EYA1: variants seen among roughly 807,000 people sequenced by gnomAD.
EYA1 encodes the protein protein phosphatase EYA1.
A neutral mutation model predicts 82.0 loss-of-function variants in EYA1; 16 were observed. That is an observed-to-expected ratio of 0.20 (90% confidence interval 0.13 to 0.30). The LOEUF is 0.30. Ranked by LOEUF, EYA1 falls within the 10% of genes least tolerant of loss-of-function variation. The pLI is 1.00. For synonymous variants in EYA1, 261 were observed against 264.4 expected (o/e 0.99, Z 0.12); for missense variants, 633 against 730.7 (o/e 0.87, Z 1.54).
intron 2 of EYA1, among the ~76,000 whole-genome samples, chr8:71,521,396 G>T (rs1813388876): frequency 1.3e-5 from 2 of 152,034 alleles, no homozygotes; most frequent in Middle Eastern, 3.4e-3. Context: ...GAAAAATGTG[G>T]AACTACATAT....
chr8:71,467,755 C>T (rs1248918512), intron 2 of EYA1, among the ~76,000 whole-genome samples: 1 of 152,124 alleles, frequency 6.6e-6, no homozygotes, highest in African/African-American at 2.4e-5. Context: ...GCATGAGATA[C>T]ATGCACAATT....
intron 9 of EYA1, among the ~76,000 whole-genome samples, chr8:71,276,953 C>T (rs1014962216): frequency 1.3e-5 from 2 of 151,976 alleles, no homozygotes; most frequent in Admixed American, 6.5e-5. Flanking sequence ...CTGCACATGT[C>T]GTTAGCACTC....
chr8:71,354,854 C>T lies in EYA1; in HGVS notation c.52G>A (p.Glu18Lys). The T allele has an allele frequency of 6.2e-7, 1 of 1,613,680 alleles. No individual in the cohort carries two copies. The highest frequency in any genetic ancestry group is 8.5e-7 in the Non-Finnish European group (1 of 1,179,684). Residue 18 changes from glutamate (E) to lysine (K), a missense_variant, in exon 3 of 18, where the codon GAA (glutamate) becomes AAA (lysine). By Grantham distance (56) the Glu-to-Lys change is moderately conservative. Transcript: ENST00000340726. ...SPHSRLSGSS[E>K]SPSGPKLGNS... ...CCGAGTTTGGGGCCACTGGGGGATT[C>T]ACTACTACCACTCAGACGGCTATGC...
intron 17 of EYA1, among the ~76,000 whole-genome samples, chr8:71,208,404 C>G (rs1808087976): frequency 6.6e-6 from 1 of 151,778 alleles, no homozygotes; most frequent in African/African-American, 2.4e-5. Flanking sequence ...TGCACTCCAG[C>G]CTGGGTGACG....
intron 6 of EYA1, among the ~76,000 whole-genome samples, chr8:71,320,985 G>A (rs1481126143): frequency 6.6e-6 from 1 of 152,084 alleles, no homozygotes; most frequent in East Asian, 1.9e-4. Context: ...AATAATTCAA[G>A]TGTTTCTATT....
intron 2 of EYA1, among the ~76,000 whole-genome samples, chr8:71,480,537 C>T (rs192918595): frequency 2.0e-5 from 3 of 151,816 alleles, no homozygotes; most frequent in African/African-American, 4.8e-5. Context: ...AGATCCACCC[C>T]GGAACAATTT....
intron 7 of EYA1, among the ~76,000 whole-genome samples, chr8:71,299,973 G>T (rs1820028286): frequency 6.6e-6 from 1 of 152,126 alleles, no homozygotes; most frequent in Non-Finnish European, 1.5e-5. Flanking sequence ...TAATACATTT[G>T]TGTAAAAATA....
At chr8:71,290,957 T>G (rs1818932580) in intron 9 of EYA1, among the ~76,000 whole-genome samples, 1 of 152,240 alleles carries the variant, frequency 6.6e-6, no homozygotes, top group Non-Finnish European at 1.5e-5. Flanking sequence ...AAAACATTAG[T>G]TAAAATTGTT....
intron 9 of EYA1, among the ~76,000 whole-genome samples, chr8:71,272,322 A>C (rs1222837890): frequency 6.6e-6 from 1 of 152,180 alleles, no homozygotes; most frequent in Non-Finnish European, 1.5e-5. Flanking sequence ...AGAGGTGAAA[A>C]GAAAAAACCA....
chr8:71,413,384 C>G (rs113402128), intron 2 of EYA1, among the ~76,000 whole-genome samples: 97 of 152,248 alleles, frequency 6.4e-4, no homozygotes, highest in African/African-American at 2.3e-3. Flanking sequence ...AGTATATTAT[C>G]CTAGTTCTGC....
At chr8:71,199,520 A>G in intron 17 of EYA1, 100 bp from the exon 18 acceptor site, 1 of 744,922 alleles carries the variant, frequency 1.3e-6, no homozygotes. Flanking sequence ...CATTTTCAGT[A>G]TCATTGAAAT....
intron 1 of EYA1, among the ~76,000 whole-genome samples, chr8:71,539,458 C>T (rs1477034652): frequency 6.6e-6 from 1 of 152,182 alleles, no homozygotes; most frequent in African/African-American, 2.4e-5. Context: ...CAGATGCTTG[C>T]ATGGGCATCT....
At chr8:71,341,034 T>A (rs1475893466) in intron 3 of EYA1, among the ~76,000 whole-genome samples, 1 of 152,220 alleles carries the variant, frequency 6.6e-6, no homozygotes, top group Non-Finnish European at 1.5e-5. Context: ...AAGTGTCTCA[T>A]TTACAGGACA....
intron 11 of EYA1, among the ~76,000 whole-genome samples, chr8:71,265,224 AT>A (rs1014585171): frequency 2.6e-5 from 4 of 151,392 alleles, no homozygotes; most frequent in African/African-American, 4.9e-5. Context: ...ATTTGTTGAA[AT>A]TTTTTTTTAT....
At chr8:71,412,431 A>AT (rs1830655352) in intron 2 of EYA1, among the ~76,000 whole-genome samples, 1 of 151,062 alleles carries the variant, frequency 6.6e-6, no homozygotes, top group Admixed American at 6.6e-5. Flanking sequence ...TAAAATAAAA[A>AT]AAAGAAATTG....
At chr8:71,244,784 G>A in intron 11 of EYA1, 92 bp from the exon 12 acceptor site, 1 of 763,830 alleles carries the variant, frequency 1.3e-6, no homozygotes. Context: ...ATTGGGAGAG[G>A]CTGAAAGCAA....
intron 7 of EYA1, among the ~76,000 whole-genome samples, chr8:71,303,336 A>T (rs1820398708): frequency 7.1e-6 from 1 of 141,562 alleles, no homozygotes. Context: ...ACACACACAC[A>T]CATCCATGAC....
intron 11 of EYA1, among the ~76,000 whole-genome samples, chr8:71,259,147 A>G (rs933533540): frequency 1.2e-4 from 18 of 152,046 alleles, no homozygotes; most frequent in Non-Finnish European, 2.2e-4. Context: ...ACAACAAAAT[A>G]CCTTTTTTAC....
intron 2 of EYA1, among the ~76,000 whole-genome samples, chr8:71,524,851 AG>A (rs981861177): frequency 1.7e-4 from 26 of 152,260 alleles, no homozygotes; most frequent in African/African-American, 6.0e-4. Flanking sequence ...AATTTAAAAA[AG>A]GTTTCTTTTC....
Sources: allele counts gnomAD v4.1 joint callset (sites outside exome capture counted in the v4.1 genomes callset), GRCh38; gene constraint gnomAD v4.1.1; transcripts MANE v1.5; gene names NCBI Gene and HGNC (gene_info 2026-07-23, HGNC 2026-07-21).